Variants in ARMC9 observed in about 807,000 individuals in gnomAD.
The protein encoded by ARMC9 is lisH domain-containing protein ARMC9.
ARMC9 carries 94 observed loss-of-function variants against 107.0 expected under a neutral mutation model. The ratio of observed to expected loss-of-function variants is 0.88; its 90% confidence interval spans 0.74 to 1.04. The LOEUF is 1.04. Ranked by LOEUF, ARMC9 falls within the 50% of genes least tolerant of loss-of-function variation. The pLI, the probability that ARMC9 is intolerant of heterozygous loss-of-function variation, is 0.00. For missense variants in ARMC9, 942 were observed against 1,030.1 expected, an observed-to-expected ratio of 0.91 and a Z score of 1.17; for synonymous variants, 380 against 396.9, an observed-to-expected ratio of 0.96 and a Z score of 0.51.
chr2:231,216,508 A>G, intron 4 of ARMC9, 130 bp from the exon 5 acceptor site: 1 of 1,018,612 alleles, frequency 9.8e-7, no homozygotes, highest in Non-Finnish European at 1.5e-6. Context: ...GAGACAATGC[A>G]CCTGCCAGGT....
At chr2:231,231,971 G>A (rs1484989626) in intron 7 of ARMC9, among the ~76,000 whole-genome samples, 1 of 151,756 alleles carries the variant, frequency 6.6e-6, no homozygotes, top group African/African-American at 2.4e-5. Context: ...TTACAGGCGT[G>A]AGCCACTGTT....
In ARMC9 at chr2:231,375,929, G is replaced by C. The variant is rs896544883; in HGVS notation, c.*4394G>C. 2.0e-5 allele frequency among the ~76,000 whole-genome samples: 3 copies of C among 152,188 alleles called. No individual in the cohort carries two copies. Among genetic ancestry groups the C allele is most frequent in the Non-Finnish European group, 4.4e-5 (3 of 68,036 alleles). The stretch of plus-strand genomic sequence containing the variant: ...GCTGAAGCCATGACAGAAGAACGTG[G>C]ATTGTGATGATTTCATGGACATTTA... On this transcript the variant is annotated 3_prime_UTR_variant, in exon 25 of 25. Coordinates refer to ENST00000611582, the MANE Select transcript of ARMC9 (RefSeq NM_001352754.2). This position sits in a 1 kb window ranked among gnomAD's most constrained non-coding sequence, Gnocchi z 4.3.
chr2:231,335,836 A>AG (rs1218631738), intron 20 of ARMC9, among the ~76,000 whole-genome samples: 2 of 152,136 alleles, frequency 1.3e-5, no homozygotes, highest in Non-Finnish European at 2.9e-5. Context: ...CAAGACTTTG[A>AG]GAGACGAGGT....
At chr2:231,239,849 T>A in intron 8 of ARMC9, 94 bp from the exon 9 acceptor site, 1 of 1,003,330 alleles carries the variant, frequency 1.0e-6, no homozygotes, top group South Asian at 1.4e-5. Context: ...TACAGAAAGC[T>A]GTTGAGAGAC....
intron 19 of ARMC9, among the ~76,000 whole-genome samples, chr2:231,311,004 G>A (rs1331306369): frequency 6.6e-6 from 1 of 152,134 alleles, no homozygotes; most frequent in African/African-American, 2.4e-5. Context: ...GTGCGTAACT[G>A]TAGTCCCAGC....
chr2:231,271,146 T>G, intron 13 of ARMC9, 74 bp downstream of exon 13: 1 of 1,425,362 alleles, frequency 7.0e-7, no homozygotes, highest in Non-Finnish European at 9.7e-7. Context: ...AAATGAGCGT[T>G]CCTCCCAAGT....
chr2:231,207,544 C>T (rs1276130117), intron 2 of ARMC9, among the ~76,000 whole-genome samples: 1 of 151,112 alleles, frequency 6.6e-6, no homozygotes, highest in African/African-American at 2.4e-5. Context: ...GGTGCTTTCT[C>T]TGCTCACTGC....
intron 20 of ARMC9, 74 bp downstream of exon 20, chr2:231,331,971 G>A: frequency 1.6e-6 from 2 of 1,247,980 alleles, no homozygotes; most frequent in Admixed American, 3.8e-5. Context: ...CGTGTTTTCA[G>A]TGACACAGAG....
At chr2:231,314,173 A>G (rs374443329) in intron 19 of ARMC9, among the ~76,000 whole-genome samples, 139 of 151,262 alleles carry the variant, frequency 9.2e-4, no homozygotes, top group African/African-American at 3.3e-3. Flanking sequence ...TCCGCCTCAC[A>G]GGTTCAAGTG....
At chr2:231,235,697 C>T (rs1342359909) in intron 8 of ARMC9, among the ~76,000 whole-genome samples, 1 of 152,152 alleles carries the variant, frequency 6.6e-6, no homozygotes, top group Non-Finnish European at 1.5e-5. Flanking sequence ...GGTTGGAGTG[C>T]AATGGCGTGA....
intron 23 of ARMC9, among the ~76,000 whole-genome samples, chr2:231,368,251 T>C (rs1436884391): frequency 6.6e-6 from 1 of 152,158 alleles, no homozygotes; most frequent in Non-Finnish European, 1.5e-5. Context: ...AAAGCTTTCA[T>C]GTAATGATTT....
At chr2:231,276,911 T>C in intron 15 of ARMC9, 136 bp downstream of exon 15, 3 of 1,270,598 alleles carry the variant, frequency 2.4e-6, no homozygotes, top group African/African-American at 3.0e-5. Context: ...GTAGAAAGCA[T>C]TTCCAACTAG....
intron 21 of ARMC9, among the ~76,000 whole-genome samples, chr2:231,351,426 C>A (rs2045075799): frequency 6.6e-6 from 1 of 152,012 alleles, no homozygotes; most frequent in African/African-American, 2.4e-5. Flanking sequence ...ACCGTTTAAA[C>A]CAGTGGTGTT....
chr2:231,302,587 G>A (rs1259067692), intron 19 of ARMC9, among the ~76,000 whole-genome samples: 1 of 151,830 alleles, frequency 6.6e-6, no homozygotes, highest in Non-Finnish European at 1.5e-5. Flanking sequence ...TACTTGGAAA[G>A]GGGTGAAGTA....
chr2:231,321,085 A>G (rs2042971842), intron 19 of ARMC9, among the ~76,000 whole-genome samples: 4 of 152,204 alleles, frequency 2.6e-5, no homozygotes, highest in Non-Finnish European at 5.9e-5. Flanking sequence ...CTCATCTGTA[A>G]AGCGAGAATA....
rs570900483 is a variant in ARMC9, at chr2:231,246,640, A to C, written c.879+6599A>C. Among the ~76,000 whole-genome samples the C allele has an allele frequency of 1.1e-3, 165 of 152,210 alleles. 1 individual carries two copies. The highest frequency in any genetic ancestry group is 3.9e-3 in the African/African-American group (163 of 41,546). On this transcript the variant is annotated intron_variant, in intron 9 of 24. Transcript: ENST00000611582. ...CCCGGATTGATTCCATGTCTTTGCT[A>C]TTGTGAATAGTGCTGCCATGAACAT...
chr2:231,229,244 C>T (rs1212079686), intron 7 of ARMC9, among the ~76,000 whole-genome samples: 1 of 152,138 alleles, frequency 6.6e-6, no homozygotes, highest in Non-Finnish European at 1.5e-5. Context: ...GTCCCCTCAT[C>T]CTGCAGCTAA....
At chr2:231,278,751 C>G (rs1014538302) in intron 16 of ARMC9, among the ~76,000 whole-genome samples, 2 of 152,324 alleles carry the variant, frequency 1.3e-5, no homozygotes, top group East Asian at 1.9e-4. Flanking sequence ...ATTCCTCCCC[C>G]ACATGCCATT....
At chr2:231,371,136 G>A (rs970422971) in intron 24 of ARMC9, 1 of 503,246 alleles carries the variant, frequency 2.0e-6, no homozygotes, top group Non-Finnish European at 3.9e-6. Context: ...CAGGAGGAAG[G>A]TGCCACTGGG....
Sources: allele counts gnomAD v4.1 joint callset (sites outside exome capture counted in the v4.1 genomes callset), GRCh38; gene constraint gnomAD v4.1.1; non-coding constraint Gnocchi (gnomAD v3.1); transcripts MANE v1.5; gene names NCBI Gene and HGNC (gene_info 2026-07-23, HGNC 2026-07-21).